KCNIP4: variants seen among roughly 807,000 people sequenced by gnomAD.
KCNIP4 encodes Kv channel-interacting protein 4.
A neutral mutation model predicts 34.0 loss-of-function variants in KCNIP4; 12 were observed. That is an observed-to-expected ratio of 0.35 (90% CI 0.23 to 0.57). The LOEUF (loss-of-function observed/expected upper bound fraction) is 0.57. Ranked by LOEUF, KCNIP4 falls within the 20% of genes least tolerant of loss-of-function variation. KCNIP4 has a pLI of 0.83. For synonymous variants in KCNIP4, 124 were observed against 102.2 expected, an observed-to-expected ratio of 1.21 and a Z score of -1.29; for missense variants, 238 against 311.7, an observed-to-expected ratio of 0.76 and a Z score of 1.78.
intron 1 of KCNIP4, among the ~76,000 whole-genome samples, chr4:21,264,699 TA>T (rs1761686467): frequency 1.3e-5 from 2 of 152,256 alleles, no homozygotes; most frequent in South Asian, 4.1e-4. Context: ...AGATTGGAGC[TA>T]AAATAAAATA....
At chr4:21,852,012 GTGTGTGTGT>G (rs1724443974) in intron 1 of KCNIP4, 1 of 148,888 alleles carries the variant, frequency 6.7e-6, no homozygotes, top group Admixed American at 6.7e-5. Flanking sequence ...GTGTGTGTGT[GTGTGTGTGT>G]GTGTGTGTGT....
chr4:21,144,972 C>T (rs527751747), intron 1 of KCNIP4, among the ~76,000 whole-genome samples: 37 of 118,498 alleles, frequency 3.1e-4, no homozygotes, highest in African/African-American at 1.1e-3. Flanking sequence ...AGAGGGCCAT[C>T]TTTAGGGAAA....
intron 1 of KCNIP4, among the ~76,000 whole-genome samples, chr4:21,132,881 C>T (rs1050729756): frequency 6.8e-6 from 1 of 147,184 alleles, no homozygotes; most frequent in Non-Finnish European, 1.5e-5. Context: ...AAAAATTAGC[C>T]AGGTGCCTGT....
Position 20,848,816 on chromosome 4 carries a change from A to AC in KCNIP4, c.288+1726_288+1727insG, listed in dbSNP as rs1187136266. 1.6e-4 allele frequency among the ~76,000 whole-genome samples: 24 copies of AC among 152,072 alleles called. No individual in the cohort carries two copies. The East Asian group carries it at 2.1e-3, about 14-fold the overall frequency. On this transcript the variant is annotated intron_variant, in intron 3 of 8. Transcript: ENST00000382152. ...AATCCAATGTTAAAAAGAAAAAAAAAGTCTGCTTATTACTAGATCTCTGAA... is the reference window on the plus strand; with the variant it reads ...AATCCAATGTTAAAAAGAAAAAAAAACGTCTGCTTATTACTAGATCTCTGAA...
intron 1 of KCNIP4, among the ~76,000 whole-genome samples, chr4:21,875,464 C>T (rs1043821205): frequency 6.6e-6 from 1 of 152,142 alleles, no homozygotes; most frequent in Non-Finnish European, 1.5e-5. Context: ...TTGAAATAGT[C>T]AGTGGTGATT....
chr4:21,005,406 T>C (rs1039021730), intron 1 of KCNIP4, among the ~76,000 whole-genome samples: 13 of 152,234 alleles, frequency 8.5e-5, no homozygotes, highest in Non-Finnish European at 1.3e-4. Flanking sequence ...CATTGGGGCC[T>C]TCTCACTTTT....
intron 1 of KCNIP4, among the ~76,000 whole-genome samples, chr4:21,721,593 G>A (rs932792050): frequency 6.6e-6 from 1 of 152,034 alleles, no homozygotes; most frequent in African/African-American, 2.4e-5. Flanking sequence ...AATTTCTGGG[G>A]GCAAGTATAT....
chr4:20,999,403 G>C (rs1192675155), intron 1 of KCNIP4, among the ~76,000 whole-genome samples: 1 of 130,494 alleles, frequency 7.7e-6, no homozygotes, highest in Non-Finnish European at 1.6e-5. Flanking sequence ...GAGGGTTTTT[G>C]TTGTGGTGGT....
At chr4:21,658,659 C>G (rs896075359) in intron 1 of KCNIP4, among the ~76,000 whole-genome samples, 4 of 152,162 alleles carry the variant, frequency 2.6e-5, no homozygotes, top group Admixed American at 1.3e-4. Flanking sequence ...CCTCAGCCCC[C>G]CAAAGTGTTG....
At chr4:20,820,302 G>A (rs1174265997) in intron 3 of KCNIP4, among the ~76,000 whole-genome samples, 2 of 152,168 alleles carry the variant, frequency 1.3e-5, no homozygotes, top group Non-Finnish European at 2.9e-5. Context: ...TTATAAAGTG[G>A]CAAATAACTT....
intron 1 of KCNIP4, among the ~76,000 whole-genome samples, chr4:20,896,020 C>T (rs911853303): frequency 2.6e-5 from 4 of 152,076 alleles, no homozygotes; most frequent in African/African-American, 7.2e-5. Context: ...GGGCCAAAAA[C>T]TAAAAATACA....
At chr4:21,409,157 A>G (rs893365960) in intron 1 of KCNIP4, among the ~76,000 whole-genome samples, 7 of 151,138 alleles carry the variant, frequency 4.6e-5, no homozygotes, top group Admixed American at 4.6e-4. Flanking sequence ...CTCAATCTGG[A>G]ATGCAATGGC....
chr4:21,626,380 G>GT (rs1194968997), intron 1 of KCNIP4, among the ~76,000 whole-genome samples: 6 of 135,416 alleles, frequency 4.4e-5, no homozygotes, highest in South Asian at 5.2e-4. Context: ...CAGAGAGCTT[G>GT]TTTTTTTTGT....
chr4:21,908,563 T>C (rs1728126400), intron 1 of KCNIP4, among the ~76,000 whole-genome samples: 1 of 152,184 alleles, frequency 6.6e-6, no homozygotes, highest in African/African-American at 2.4e-5. Flanking sequence ...TACTTTTCAG[T>C]TTCTCTTTAC....
chr4:21,738,865 G>A (rs1242910668), intron 1 of KCNIP4, among the ~76,000 whole-genome samples: 3 of 152,080 alleles, frequency 2.0e-5, no homozygotes, highest in Admixed American at 6.6e-5. Flanking sequence ...AGACATACAT[G>A]ATGATCTATC....
At chr4:20,860,509 A>C (rs984036551) in intron 2 of KCNIP4, among the ~76,000 whole-genome samples, 2 of 152,214 alleles carry the variant, frequency 1.3e-5, no homozygotes, top group African/African-American at 2.4e-5. Context: ...AAGATTATAA[A>C]TATTGTAACT....
At chr4:21,052,910 T>C (rs1485500561) in intron 1 of KCNIP4, among the ~76,000 whole-genome samples, 1 of 151,834 alleles carries the variant, frequency 6.6e-6, no homozygotes, top group Non-Finnish European at 1.5e-5. Flanking sequence ...CTCATGAATA[T>C]GTGTATAATA....
At chr4:21,448,790 T>C (rs1284928012) in intron 1 of KCNIP4, among the ~76,000 whole-genome samples, 3 of 152,214 alleles carry the variant, frequency 2.0e-5, no homozygotes, top group East Asian at 3.9e-4. Context: ...AAGTCAGACA[T>C]AGAGAGGCAG....
intron 1 of KCNIP4, among the ~76,000 whole-genome samples, chr4:21,340,976 T>C (rs1191935877): frequency 2.0e-5 from 3 of 152,136 alleles, no homozygotes; most frequent in Admixed American, 2.0e-4. Context: ...AAATATAGGG[T>C]ATTTGTGGAC....
Sources: gnomAD v4.1 joint callset for allele counts (sites outside exome capture counted in the v4.1 genomes callset) on GRCh38, gnomAD v4.1.1 for gene constraint, MANE v1.5 for transcripts, NCBI Gene and HGNC (gene_info 2026-07-23, HGNC 2026-07-21) for gene names.